FOXN3: variants seen among roughly 807,000 people sequenced by gnomAD.
The protein encoded by FOXN3 is forkhead box protein N3.
FOXN3 carries 7 observed loss-of-function variants against 38.4 expected under a neutral mutation model. The ratio of observed to expected loss-of-function variants is 0.18; its 90% CI spans 0.10 to 0.34. The LOEUF is 0.34. Ranked by LOEUF, FOXN3 falls within the 10% of genes least tolerant of loss-of-function variation. The pLI is 1.00. For missense variants in FOXN3, 456 were observed against 613.4 expected, an observed-to-expected ratio of 0.74 and a Z score of 2.71; for synonymous variants, 230 against 242.2, an observed-to-expected ratio of 0.95 and a Z score of 0.47.
At chr14:89,265,413 A>G (rs879467152) in intron 4 of FOXN3, among the ~76,000 whole-genome samples, 11 of 152,176 alleles carry the variant, frequency 7.2e-5, no homozygotes, top group Non-Finnish European at 1.2e-4. Context: ...TGAATCTAGC[A>G]TTTCCCCAGT....
At chr14:89,546,329 CT>C (rs1157998619) in intron 1 of FOXN3, among the ~76,000 whole-genome samples, 37 of 78,332 alleles carry the variant, frequency 4.7e-4, no homozygotes, top group East Asian at 2.2e-3. Context: ...TTTCCTTTTT[CT>C]TTTTTTTTTT....
chr14:89,485,433 C>T (rs990948479), intron 1 of FOXN3, among the ~76,000 whole-genome samples: 1 of 152,172 alleles, frequency 6.6e-6, no homozygotes, highest in Non-Finnish European at 1.5e-5. Context: ...TTCTCAGAAT[C>T]GCCCCTTGTG....
chr14:89,455,067 A>T (rs1892691465), intron 1 of FOXN3, among the ~76,000 whole-genome samples: 1 of 152,222 alleles, frequency 6.6e-6, no homozygotes, highest in Non-Finnish European at 1.5e-5. Flanking sequence ...AATGGACACA[A>T]TGCAGGAGAG....
chr14:89,324,013 CAG>C (rs889118231), intron 3 of FOXN3, among the ~76,000 whole-genome samples: 2 of 152,170 alleles, frequency 1.3e-5, no homozygotes, highest in Non-Finnish European at 2.9e-5. Context: ...GGCAACTCCT[CAG>C]ATACAGCTTA....
At chr14:89,449,970 G>A (rs1232267836) in intron 1 of FOXN3, among the ~76,000 whole-genome samples, 1 of 152,226 alleles carries the variant, frequency 6.6e-6, no homozygotes, top group Non-Finnish European at 1.5e-5. Flanking sequence ...CAGAGCAGAA[G>A]ATGAACAAGA....
intron 3 of FOXN3, among the ~76,000 whole-genome samples, chr14:89,307,892 G>A (rs567294393): frequency 2.0e-4 from 30 of 152,244 alleles, no homozygotes; most frequent in African/African-American, 6.5e-4. Context: ...ACTCTGCACC[G>A]ACATAAAGAA....
intron 1 of FOXN3, among the ~76,000 whole-genome samples, chr14:89,611,533 G>A (rs780253693): frequency 3.9e-5 from 6 of 152,182 alleles, no homozygotes; most frequent in Non-Finnish European, 8.8e-5. Flanking sequence ...GAGGCCGGGC[G>A]CGGTGGCTCA....
At position 89,458,717 on chromosome 14, in the gene FOXN3, G is replaced by A. The variant is rs372639077; in HGVS notation, c.-14-46227C>T. Among the ~76,000 whole-genome samples, 18 of 152,182 alleles carry A rather than the reference G, an allele frequency of 1.2e-4. No homozygotes were observed. In the East Asian group the frequency reaches 1.5e-3, roughly 13 times the overall value. On this transcript the variant is annotated intron_variant, in intron 1 of 6. Coordinates refer to the FOXN3 transcript ENST00000345097. ...CTCAACACTGCAGGCTATTTTGTCG[G>A]GGGTGTGGAGCCCTCTCTGCTGGTT...
rs1001857069 is a variant in FOXN3 at position 89,612,114 on chromosome 14, C to T, written c.-15+6914G>A. Among the ~76,000 whole-genome samples the T allele has an allele frequency of 6.6e-5, 10 of 151,988 alleles. No homozygotes were observed. In the South Asian group the frequency reaches 1.7e-3, roughly 25 times the overall value. On this transcript the variant is annotated intron_variant, in intron 1 of 6. Transcript: ENST00000345097. ...CTTGACAGTGAGAACTATTAATAGT[C>T]GGGTACCAAAGAATGGGTGACTCTG...
intron 1 of FOXN3, among the ~76,000 whole-genome samples, chr14:89,415,882 A>ACACACACC (rs1491426672): frequency 7.4e-6 from 1 of 135,002 alleles, no homozygotes; most frequent in Non-Finnish European, 1.6e-5. Flanking sequence ...ACACACACAC[A>ACACACACC]CCCTCTTTTG....
intron 1 of FOXN3, among the ~76,000 whole-genome samples, chr14:89,428,539 T>C (rs1398352297): frequency 2.0e-5 from 3 of 152,242 alleles, no homozygotes; most frequent in African/African-American, 7.2e-5. Context: ...GACGTGATTC[T>C]GACTGGTTTC....
chr14:89,203,618 G>A (rs562092853), intron 4 of FOXN3, among the ~76,000 whole-genome samples: 1 of 152,296 alleles, frequency 6.6e-6, no homozygotes, highest in African/African-American at 2.4e-5. Context: ...TTAAGGAAGC[G>A]GGGGCGTGTG....
rs201158142 is a variant in FOXN3, at chr14:89,280,960, G to A, written c.735C>T (p.Ala245=). The A allele has an allele frequency of 4.5e-4, 733 of 1,613,602 alleles. No individual in the cohort carries two copies. Among genetic ancestry groups the A allele is most frequent in the Non-Finnish European group, 5.6e-4 (658 of 1,179,884 alleles). Residue 245 remains alanine, a synonymous_variant, in exon 4 of 6, where the codon GCC becomes GCT. Transcript: ENST00000557258. ...PGSTFFKRNG[A]LLQVPPGVIQ... is the part of the protein sequence containing the mutation. ...TTACTAGGGACCTACCTTGGAGAAG[G>A]GCTCCATTTCTCTTGAAGAAGGTAC...
rs576883864 is a variant in FOXN3 at position 89,446,087 on chromosome 14, CAAA to C, written c.-14-33600_-14-33598del. Among the ~76,000 whole-genome samples the C allele has an allele frequency of 3.5e-4, 14 of 40,108 alleles. 1 individual carries two copies. The highest frequency in any genetic ancestry group is 1.0e-3 in the Admixed American group (2 of 1,988). 26.3% of individuals were successfully genotyped at this position (40,108 alleles called of 152,430 possible). A position where few individuals can be genotyped will look rare whatever the true frequency, so the allele number is the denominator to read the frequency against. The stretch of plus-strand genomic sequence containing the variant: ...TGGGTAACAGAGCGAGACCCTGCCT[CAAA>C]AAAAAAAAAAAAAAAAAAAAATTTT... On this transcript the variant is annotated intron_variant, in intron 1 of 6. Transcript: ENST00000345097.
chr14:89,282,257 C>A (rs762756579), intron 3 of FOXN3, among the ~76,000 whole-genome samples: 3 of 137,542 alleles, frequency 2.2e-5, no homozygotes, highest in Non-Finnish European at 3.2e-5. Flanking sequence ...ATACTATAAA[C>A]CTTGATGTTA....
rs150314474 is a variant in FOXN3, at chr14:89,260,413, C to T, written c.745+20537G>A. Among the ~76,000 whole-genome samples, 596 of 152,348 alleles carry T rather than the reference C, an allele frequency of 3.9e-3. 3 individuals carry two copies. Among genetic ancestry groups the T allele is most frequent in the African/African-American group, 0.014 (571 of 41,580 alleles). On this transcript the variant is annotated intron_variant, in intron 4 of 5. Coordinates refer to ENST00000557258, the MANE Select transcript of FOXN3 (RefSeq NM_005197.4). Reference sequence around the variant, plus strand: ...CTGCACCAGAGCTCTGGGCTGGCACCCCTGTGCTCCCGGCAATCAGCAAGA... The same window carrying T: ...CTGCACCAGAGCTCTGGGCTGGCACTCCTGTGCTCCCGGCAATCAGCAAGA...
At chr14:89,528,793 T>A (rs1169513005) in intron 1 of FOXN3, among the ~76,000 whole-genome samples, 1 of 152,048 alleles carries the variant, frequency 6.6e-6, no homozygotes, top group African/African-American at 2.4e-5. Context: ...TATATAAAAT[T>A]CTAGACAGTG....
At chr14:89,524,411 AGAAACTAGAAAAAGAACTGC>A (rs1894392905) in intron 1 of FOXN3, among the ~76,000 whole-genome samples, 1 of 141,360 alleles carries the variant, frequency 7.1e-6, no homozygotes, top group Non-Finnish European at 1.5e-5. Flanking sequence ...AAAGAAAGAA[AGAAACTAGAAAAAGAACTGC>A]AAATAAAATC....
chr14:89,233,535 T>C (rs1566935262), intron 4 of FOXN3, among the ~76,000 whole-genome samples: 1 of 152,252 alleles, frequency 6.6e-6, no homozygotes, highest in Non-Finnish European at 1.5e-5. Flanking sequence ...TTGATCATTC[T>C]TTCAAATCCC....
Sources: allele counts gnomAD v4.1 joint callset (sites outside exome capture counted in the v4.1 genomes callset), GRCh38; gene constraint gnomAD v4.1.1; transcripts MANE v1.5; gene names NCBI Gene and HGNC (gene_info 2026-07-23, HGNC 2026-07-21).